MINK1: variants seen among roughly 807,000 people sequenced by gnomAD.
MINK1 encodes the protein misshapen-like kinase 1.
In MINK1, 46 loss-of-function variants were observed where a neutral mutation model predicts 178.4. The ratio of observed to expected loss-of-function variants is 0.26; its 90% CI spans 0.20 to 0.33. The LOEUF is 0.33. MINK1 is among the 10% of genes least tolerant of loss of function. The probability of loss-of-function intolerance (pLI) is 1.00; values close to 1 mark genes in which losing one functional copy is unlikely to be tolerated. For synonymous variants in MINK1, 797 were observed against 709.7 expected (o/e 1.12, Z -1.96); for missense variants, 1,366 against 1,814.9 (o/e 0.75, Z 4.49).
intron 1 of MINK1, among the ~76,000 whole-genome samples, chr17:4,835,289 C>T (rs941087180): frequency 6.6e-6 from 1 of 152,154 alleles, no homozygotes; most frequent in African/African-American, 2.4e-5. Flanking sequence ...TATTGATTAA[C>T]TGGCTACAGG....
chr17:4,890,107 ACC>A, intron 13 of MINK1: 2 of 407,684 alleles, frequency 4.9e-6, no homozygotes, highest in Non-Finnish European at 8.3e-6. Context: ...CTTCCCCTGC[ACC>A]CCCTCATTCT....
At chr17:4,877,968 G>T (rs888580872) in intron 1 of MINK1, among the ~76,000 whole-genome samples, 1 of 151,766 alleles carries the variant, frequency 6.6e-6, no homozygotes, top group Non-Finnish European at 1.5e-5. Flanking sequence ...CCGCAACCAC[G>T]CCCAGCTAAT....
chr17:4,866,513 G>C (rs923085122), intron 1 of MINK1, among the ~76,000 whole-genome samples: 3 of 150,864 alleles, frequency 2.0e-5, no homozygotes, highest in African/African-American at 2.4e-5. Context: ...AGGGAACTTA[G>C]AGAAGTTAAG....
intron 4 of MINK1, among the ~76,000 whole-genome samples, chr17:4,884,028 CTTT>C (rs1057478222): frequency 1.5e-5 from 2 of 131,892 alleles, no homozygotes; most frequent in Non-Finnish European, 1.6e-5. Context: ...TCCTTCTCCT[CTTT>C]TTTTTTTTTT....
intron 1 of MINK1, among the ~76,000 whole-genome samples, chr17:4,877,976 A>G (rs1412296622): frequency 6.6e-6 from 1 of 151,780 alleles, no homozygotes; most frequent in East Asian, 1.9e-4. Flanking sequence ...ACGCCCAGCT[A>G]ATTTTTTGTA....
rs1357322674 is a variant in MINK1, at chr17:4,887,354, G to A, written c.1019+175G>A. 1.3e-5 allele frequency among the ~76,000 whole-genome samples: 2 copies of A among 152,138 alleles called. No individual in the cohort carries two copies. The highest frequency in any genetic ancestry group is 1.3e-4 in the Admixed American group (2 of 15,272). On this transcript the variant is annotated intron_variant, in intron 11 of 31. Transcript: ENST00000355280. This position sits in a 1 kb window ranked among gnomAD's most constrained non-coding sequence, Gnocchi z 7.6. ...TGGAACCAATGACTGAGCAAGAGCT[G>A]GGGAGAGAGCAATTTGTGGTGAATG...
At chr17:4,884,739 G>C (rs977264962) in intron 5 of MINK1, among the ~76,000 whole-genome samples, 173 bp from the exon 6 acceptor site, 20 of 152,316 alleles carry the variant, frequency 1.3e-4, no homozygotes, top group Middle Eastern at 3.4e-3. Flanking sequence ...CCACCTCTCT[G>C]AGGAAGCTCT....
chr17:4,887,860 T>C lies in MINK1; in HGVS notation c.1230+70T>C. The C allele has an allele frequency of 7.8e-7, 1 of 1,276,728 alleles. No individual in the cohort carries two copies. The highest frequency in any genetic ancestry group is 1.0e-6 in the Non-Finnish European group (1 of 967,038). The allele number at this position is 1,276,728 out of a possible 1,614,324, so 79.1% of individuals were successfully genotyped here. A position where few individuals can be genotyped will look rare whatever the true frequency, so the allele number is the denominator to read the frequency against. ...GACCTGCCCCGGGTCCATTAGGGCC[T>C]TGGAGAACAGGTTTTAAAATGCCTT... On this transcript the variant is annotated intron_variant, in intron 12 of 31. Transcript: ENST00000355280. The surrounding 1 kb of genome is among the most constrained non-coding windows in gnomAD (Gnocchi z 7.6).
chr17:4,872,455 C>T (rs191180479), intron 1 of MINK1, among the ~76,000 whole-genome samples: 182 of 151,684 alleles, frequency 1.2e-3, no homozygotes, highest in Non-Finnish European at 1.5e-3. Flanking sequence ...CTGGGCAACA[C>T]GGTGAAACCC....
Position 4,887,593 on chromosome 17 carries a change from G to A in MINK1, c.1033G>A (p.Val345Met), listed in dbSNP as rs746008781. The A allele has an allele frequency of 2.0e-6, 3 of 1,534,334 alleles. No individual in the cohort carries two copies. The highest frequency in any genetic ancestry group is 1.8e-6 in the Non-Finnish European group (2 of 1,142,118). ...EEGEPSSIMN[V>M]PGESTLRREF... ...ACCCCTGCCCAGCTCCATCATGAAC[G>A]TGCCTGGAGAGTCGACTCTACGCCG... Residue 345 changes from valine to methionine, a missense_variant, in exon 12 of 32, where the codon GTG becomes ATG. Val to Met is a conservative substitution (Grantham distance 21). Around this residue, in one of 14 missense-constraint regions of MINK1, gnomAD observed 56 missense variants for 64.0 expected, o/e 0.87. Coordinates refer to ENST00000355280, the MANE Select transcript of MINK1 (RefSeq NM_153827.5). The surrounding 1 kb of genome is among the most constrained non-coding windows in gnomAD (Gnocchi z 7.6).
intron 1 of MINK1, among the ~76,000 whole-genome samples, chr17:4,848,965 G>A (rs8072531): frequency 0.43 from 65,332 of 152,022 alleles, 15,894 homozygotes; most frequent in Non-Finnish European, 0.56. Flanking sequence ...CCCAGAAAGC[G>A]TGTCTCCTGG....
At chr17:4,890,313 C>T (rs997974759) in intron 13 of MINK1, 12 of 1,364,274 alleles carry the variant, frequency 8.8e-6, no homozygotes, top group African/African-American at 5.9e-5. Flanking sequence ...CTGCTGGTAA[C>T]GGGTCCCTCA....
At chr17:4,864,063 A>G (rs936518316) in intron 1 of MINK1, among the ~76,000 whole-genome samples, 1 of 151,570 alleles carries the variant, frequency 6.6e-6, no homozygotes, top group Non-Finnish European at 1.5e-5. Context: ...TGCTGGGATT[A>G]TAGGAGTGAG....
chr17:4,835,435 T>C (rs564722469), intron 1 of MINK1, among the ~76,000 whole-genome samples: 3 of 152,272 alleles, frequency 2.0e-5, no homozygotes, highest in Admixed American at 2.0e-4. Context: ...GGGACCAGCC[T>C]GGCCAACACT....
intron 1 of MINK1, among the ~76,000 whole-genome samples, chr17:4,838,106 G>A (rs1389111620): frequency 6.6e-6 from 1 of 152,202 alleles, no homozygotes; most frequent in African/African-American, 2.4e-5. Context: ...GTGACCTCCT[G>A]CTGCAGAAGT....
rs1055514057 is a variant in MINK1, at chr17:4,895,909, G to A, written c.3364+77G>A. ...AATGGATCTGGGAGCCAGGGACTTG[G>A]GGCCTGGGTGGGGCAGTGTAGTGAC... is the stretch of plus-strand genomic sequence containing the variant. On this transcript the variant is annotated intron_variant, in intron 27 of 31. Transcript: ENST00000355280. This position sits in a 1 kb window ranked among gnomAD's most constrained non-coding sequence, Gnocchi z 4.3. 4.4e-6 allele frequency: 7 copies of A among 1,574,386 alleles called. No homozygotes were observed. In the African/African-American group the frequency reaches 8.1e-5, roughly 18 times the overall value.
rs546196429 is a variant in MINK1 at position 4,886,882 on chromosome 17, C to T, written c.950-228C>T. ...ACTCCATGCTAAGCACATGTGTGTG[C>T]GAGCACAAGCACAGGCTCTGCCACA... On this transcript the variant is annotated intron_variant, in intron 10 of 31. Transcript: ENST00000355280. This position sits in a 1 kb window ranked among gnomAD's most constrained non-coding sequence, Gnocchi z 6.1. 4.1e-4 allele frequency among the ~76,000 whole-genome samples: 62 copies of T among 152,302 alleles called. No individual in the cohort carries two copies. The highest frequency in any genetic ancestry group is 1.3e-3 in the African/African-American group (55 of 41,562).
intron 14 of MINK1, 52 bp downstream of exon 14, chr17:4,890,787 C>T (rs1278341106): frequency 6.5e-7 from 1 of 1,528,912 alleles, no homozygotes; most frequent in Non-Finnish European, 8.8e-7. Flanking sequence ...TGCCTGAGGC[C>T]TGGAGAGCCA....
In MINK1 at chr17:4,886,348, G is replaced by A. The variant is rs1968196785; in HGVS notation, c.774-103G>A. The A allele has an allele frequency of 6.7e-7, 1 of 1,500,518 alleles. No individual in the cohort carries two copies. Among genetic ancestry groups the A allele is most frequent in the Non-Finnish European group, 9.2e-7 (1 of 1,087,936 alleles). The allele number at this position is 1,500,518 out of a possible 1,614,324, so 93.0% of individuals were successfully genotyped here. On this transcript the variant is annotated intron_variant, in intron 9 of 31. Transcript: ENST00000355280. The surrounding 1 kb of genome is among the most constrained non-coding windows in gnomAD (Gnocchi z 6.1). ...TGACTGGTGTTGGGATATGAAGACA[G>A]GAGGGACGTCAAGGTGGCTTGTGGA...
Sources: gnomAD v4.1 joint callset for allele counts (sites outside exome capture counted in the v4.1 genomes callset) on GRCh38, gnomAD v4.1.1 for gene constraint, gnomAD v4.1.1 regional missense constraint, Gnocchi (gnomAD v3.1) non-coding constraint, MANE v1.5 for transcripts, NCBI Gene and HGNC (gene_info 2026-07-23, HGNC 2026-07-21) for gene names.